RASAL1: variants seen among roughly 807,000 people sequenced by gnomAD.
RASAL1 encodes the protein rasGAP-activating-like protein 1.
A neutral mutation model predicts 96.6 loss-of-function variants in RASAL1; 72 were observed. That is an observed-to-expected ratio of 0.75 (90% CI 0.62 to 0.91). RASAL1 has a LOEUF of 0.91. RASAL1 is among the 40% of genes least tolerant of loss of function. The pLI is 0.00. For missense variants in RASAL1, 1,016 were observed against 1,072.5 expected, an observed-to-expected ratio of 0.95 and a Z score of 0.74; for synonymous variants, 405 against 430.4, an observed-to-expected ratio of 0.94 and a Z score of 0.73.
rs759986949 is a variant in RASAL1, at chr12:113,121,534, G to A, written c.403C>T (p.Leu135Phe). The A allele has an allele frequency of 6.2e-7, 1 of 1,614,150 alleles. No homozygotes were observed. Among genetic ancestry groups the A allele is most frequent in the East Asian group, 2.2e-5 (1 of 44,884 alleles). The change falls in exon 5 of 21, where the codon CTT (leucine) becomes TTT (phenylalanine). Residue 135 changes from leucine to phenylalanine, a missense_variant. Leu to Phe is a conservative substitution (Grantham distance 22). Coordinates refer to ENST00000548055, the MANE Select transcript of RASAL1 (RefSeq NM_001301202.2). Reference sequence around the variant, plus strand: ...CTGGCCTGAAGCACATGGCAGCGAAGGCAGCGGCCCTGCCCATCCTCCAGC... The same window carrying A: ...CTGGCCTGAAGCACATGGCAGCGAAAGCAGCGGCCCTGCCCATCCTCCAGC... Reference protein sequence around the residue: ...QMLEDGQGRCLRCHVLQARDL... With the variant: ...QMLEDGQGRCFRCHVLQARDL...
chr12:113,127,756 C>A, intron 4 of RASAL1, 56 bp downstream of exon 4: 1 of 1,516,258 alleles, frequency 6.6e-7, no homozygotes, highest in Non-Finnish European at 9.1e-7. Flanking sequence ...TATGCCCCTG[C>A]AAATGCCCAC....
At position 113,135,364 on chromosome 12, in the gene RASAL1, G is replaced by T. The variant is rs970757834; in HGVS notation, c.65+34C>A. The T allele has an allele frequency of 1.9e-6, 3 of 1,589,524 alleles. No homozygotes were observed. The highest frequency in any genetic ancestry group is 2.6e-6 in the Non-Finnish European group (3 of 1,168,302). ...GTCGGCCCCACCCCAGGCCTTGCGC[G>T]CCCCTCACCCAGAAGCGCCCGAGGA... On this transcript the variant is annotated intron_variant, in intron 1 of 20. Transcript: ENST00000548055. The surrounding 1 kb of genome is among the most constrained non-coding windows in gnomAD (Gnocchi z 5.7).
chr12:113,111,486 C>T (rs1013343045), intron 13 of RASAL1, among the ~76,000 whole-genome samples: 1 of 152,026 alleles, frequency 6.6e-6, no homozygotes, highest in South Asian at 2.1e-4. Context: ...TCACAGGCTG[C>T]GTGTGATGGT....
In RASAL1 at chr12:113,112,237, C is replaced by A. The variant is rs527765051; in HGVS notation, c.1223G>T (p.Arg408Leu). The change falls in exon 13 of 21, where the codon CGG becomes CTG. Residue 408 changes from arginine (R) to leucine (L), a missense_variant. Coordinates refer to ENST00000548055, the MANE Select transcript of RASAL1 (RefSeq NM_001301202.2). The part of the protein sequence containing the change: ...FKGALSEEQM[R>L]ETSLGLLTGY... ...CGTCAGCAGCCCCAGGCTGGTCTCC[C>A]GCATCTGCTCCTCCGAGAGTGCGCC... is the stretch of plus-strand genomic sequence containing the variant. 3.3e-5 allele frequency: 42 copies of A among 1,267,134 alleles called. 1 individual carries two copies. The Admixed American group carries it at 1.6e-3, about 48-fold the overall frequency. 78.5% of individuals were successfully genotyped at this position (1,267,134 alleles called of 1,614,324 possible).
chr12:113,121,777 A>T lies in RASAL1; in HGVS notation c.299-139T>A, dbSNP rs150954103. The T allele has an allele frequency of 6.1e-4, 627 of 1,021,972 alleles. 3 individuals carry two copies. In the East Asian group the frequency reaches 0.015, roughly 25 times the overall value. The allele number at this position is 1,021,972 out of a possible 1,614,324, so 63.3% of individuals were successfully genotyped here. ...GGTTCTGTTGCCCAGGCTGGAGTGCAGTGGCACAATTTTGGCTCACTGCAA... is the reference window on the plus strand; with the variant it reads ...GGTTCTGTTGCCCAGGCTGGAGTGCTGTGGCACAATTTTGGCTCACTGCAA... On this transcript the variant is annotated intron_variant, in intron 4 of 20. Coordinates refer to ENST00000548055, the MANE Select transcript of RASAL1 (RefSeq NM_001301202.2).
rs199799964 is a variant in RASAL1 at position 113,119,191 on chromosome 12, C to T, written c.579G>A (p.Pro193=). Residue 193 remains proline, a synonymous_variant, in exon 7 of 21, where the codon CCG becomes CCA. Transcript: ENST00000548055. ...VLELREMPGA[P]SPLRVELWDW... is the part of the protein sequence containing the mutation. ...CCCAGAGCTCCACCCGCAGTGGGGACGGGGCACCTGGCATCTCCCGCAGCT... is the reference window on the plus strand; with the variant it reads ...CCCAGAGCTCCACCCGCAGTGGGGATGGGGCACCTGGCATCTCCCGCAGCT... 1.1e-5 allele frequency: 18 copies of T among 1,614,020 alleles called. No individual in the cohort carries two copies. The highest frequency in any genetic ancestry group is 9.3e-5 in the African/African-American group (7 of 75,044).
chr12:113,105,700 G>T lies in RASAL1; in HGVS notation c.1830+14C>A. The T allele has an allele frequency of 6.3e-7, 1 of 1,594,874 alleles. No individual in the cohort carries two copies. The highest frequency in any genetic ancestry group is 1.1e-5 in the South Asian group (1 of 88,834). On this transcript the variant is annotated intron_variant, in intron 16 of 20. Coordinates refer to ENST00000548055, the MANE Select transcript of RASAL1 (RefSeq NM_001301202.2). ...CACCCCTGGAAAGCCCTCCATAGTGGACTGGAACCCCACCTGCCACTCAGG... is the reference window on the plus strand; with the variant it reads ...CACCCCTGGAAAGCCCTCCATAGTGTACTGGAACCCCACCTGCCACTCAGG...
chr12:113,118,267 G>A (rs1278875442), intron 7 of RASAL1, among the ~76,000 whole-genome samples: 1 of 152,108 alleles, frequency 6.6e-6, no homozygotes, highest in Non-Finnish European at 1.5e-5. Flanking sequence ...AGTTCCTACA[G>A]CATACAGTAT....
chr12:113,124,906 C>A (rs1951425942), intron 4 of RASAL1, among the ~76,000 whole-genome samples: 1 of 152,204 alleles, frequency 6.6e-6, no homozygotes, highest in South Asian at 2.1e-4. Flanking sequence ...TTAATCCTTA[C>A]TACATACCTT....
At chr12:113,120,914 A>C (rs1951272392) in intron 5 of RASAL1, among the ~76,000 whole-genome samples, 1 of 152,204 alleles carries the variant, frequency 6.6e-6, no homozygotes, top group African/African-American at 2.4e-5. Flanking sequence ...ATTGGTTCAG[A>C]GATAGACATG....
chr12:113,117,255 C>T, intron 7 of RASAL1, 94 bp from the exon 8 acceptor site: 1 of 923,826 alleles, frequency 1.1e-6, no homozygotes, highest in Non-Finnish European at 1.6e-6. Flanking sequence ...AACAGACTGC[C>T]CACCCACAGA....
At chr12:113,100,193 A>C in intron 20 of RASAL1, 125 bp from the exon 21 acceptor site, 1 of 1,097,492 alleles carries the variant, frequency 9.1e-7, no homozygotes, top group Non-Finnish European at 1.3e-6. Context: ...ATCCTTGAGA[A>C]TCCCCACACA....
intron 1 of RASAL1, among the ~76,000 whole-genome samples, chr12:113,134,304 TG>T (rs1383336001): frequency 6.6e-6 from 1 of 152,144 alleles, no homozygotes; most frequent in East Asian, 1.9e-4. Flanking sequence ...GGGTTGGGAA[TG>T]TCATAAAATC....
Position 113,116,061 on chromosome 12 carries a change from A to G in RASAL1, c.732-10T>C. The G allele has an allele frequency of 6.4e-7, 1 of 1,553,450 alleles. No individual in the cohort carries two copies. Among genetic ancestry groups the G allele is most frequent in the South Asian group, 1.2e-5 (1 of 81,956 alleles). ...GGCACCCAGGTTCCCCCTGTCCAGGATCAGATCATAAGAAAATGAAAGATC... is the reference window on the plus strand; with the variant it reads ...GGCACCCAGGTTCCCCCTGTCCAGGGTCAGATCATAAGAAAATGAAAGATC... On this transcript the variant is annotated splice_polypyrimidine_tract_variant and intron_variant, in intron 8 of 20. Coordinates refer to ENST00000548055, the MANE Select transcript of RASAL1 (RefSeq NM_001301202.2).
chr12:113,107,495 C>T (rs763901124), intron 14 of RASAL1: 8 of 585,488 alleles, frequency 1.4e-5, no homozygotes, highest in South Asian at 4.6e-5. Flanking sequence ...TGGTGGCTCA[C>T]GCCTGTAAAT....
chr12:113,128,346 C>G (rs760862802), intron 2 of RASAL1, among the ~76,000 whole-genome samples, 168 bp from the exon 3 acceptor site: 1 of 151,268 alleles, frequency 6.6e-6, no homozygotes, highest in African/African-American at 2.4e-5. Context: ...CCCAGACACA[C>G]ACACACACCC....
chr12:113,128,208 C>T, intron 2 of RASAL1, 30 bp from the exon 3 acceptor site: 2 of 1,469,022 alleles, frequency 1.4e-6, no homozygotes, highest in South Asian at 1.1e-5. Context: ...GGGCTGGGGT[C>T]CTCGGGCCAC....
chr12:113,101,814 G>T, intron 19 of RASAL1, 75 bp downstream of exon 19: 1 of 1,530,062 alleles, frequency 6.5e-7, no homozygotes, highest in Non-Finnish European at 8.8e-7. Flanking sequence ...TGAATAAATG[G>T]ACACAGCAAG....
intron 7 of RASAL1, among the ~76,000 whole-genome samples, chr12:113,118,042 G>A (rs1225946898): frequency 6.6e-6 from 1 of 152,082 alleles, no homozygotes; most frequent in East Asian, 1.9e-4. Flanking sequence ...TGACCAACAT[G>A]ATGAAACCCT....
Sources: gnomAD v4.1 joint callset for allele counts (sites outside exome capture counted in the v4.1 genomes callset) on GRCh38, gnomAD v4.1.1 for gene constraint, Gnocchi (gnomAD v3.1) non-coding constraint, MANE v1.5 for transcripts, NCBI Gene and HGNC (gene_info 2026-07-23, HGNC 2026-07-21) for gene names.